The following RAPGEF6 variants were observed in gnomAD, a reference collection of about 807,000 sequenced individuals.
The protein encoded by RAPGEF6 is Rap guanine nucleotide exchange factor 6, also known as PDZ domain containing guanine nucleotide exchange factor (GEF) 2.
Under a neutral mutation model 171.4 loss-of-function variants are expected in RAPGEF6, and 56 were observed. That is an observed-to-expected ratio of 0.33 (90% confidence interval 0.26 to 0.41). The LOEUF (loss-of-function observed/expected upper bound fraction) is 0.41. Among genes scored for constraint, RAPGEF6 ranks in the 10% least tolerant of loss-of-function variants. RAPGEF6 has a pLI of 1.00. For missense variants in RAPGEF6, 1,674 were observed against 1,921.4 expected, an observed-to-expected ratio of 0.87 and a Z score of 2.41; for synonymous variants, 692 against 650.1, an observed-to-expected ratio of 1.06 and a Z score of -0.98.
chr5:131,577,992 T>C (rs1762706578), intron 4 of RAPGEF6, among the ~76,000 whole-genome samples: 1 of 152,196 alleles, frequency 6.6e-6, no homozygotes, highest in African/African-American at 2.4e-5. Context: ...CTAGTTATAC[T>C]CCTATTCACC....
chr5:131,537,089 T>C (rs945435323), intron 6 of RAPGEF6, among the ~76,000 whole-genome samples: 1 of 152,196 alleles, frequency 6.6e-6, no homozygotes, highest in African/African-American at 2.4e-5. Context: ...TATGTCTGAG[T>C]AGTTGTTATT....
intron 6 of RAPGEF6, among the ~76,000 whole-genome samples, chr5:131,544,887 T>G (rs927594150): frequency 6.6e-5 from 10 of 152,126 alleles, no homozygotes; most frequent in African/African-American, 2.4e-4. Flanking sequence ...TTCACCATGT[T>G]AGCCAGACTG....
At chr5:131,540,973 T>C (rs1036657722) in intron 6 of RAPGEF6, among the ~76,000 whole-genome samples, 4 of 152,172 alleles carry the variant, frequency 2.6e-5, no homozygotes, top group Non-Finnish European at 4.4e-5. Flanking sequence ...AGTGCAAGAC[T>C]CCGTCTCAAA....
chr5:131,487,517 A>C (rs1755996663), intron 15 of RAPGEF6, among the ~76,000 whole-genome samples: 1 of 152,134 alleles, frequency 6.6e-6, no homozygotes, highest in Non-Finnish European at 1.5e-5. Context: ...CAGAGCACTG[A>C]TTGGTGCGTT....
intron 18 of RAPGEF6, among the ~76,000 whole-genome samples, chr5:131,462,668 T>G (rs375749217): frequency 2.6e-5 from 4 of 152,334 alleles, no homozygotes; most frequent in South Asian, 4.1e-4. Context: ...TTACCACACA[T>G]TAAGACCTAT....
At chr5:131,628,241 A>G (rs1254774005) in intron 1 of RAPGEF6, among the ~76,000 whole-genome samples, 2 of 152,194 alleles carry the variant, frequency 1.3e-5, no homozygotes, top group East Asian at 1.9e-4. Context: ...GAAAAGGCAC[A>G]TGGAGAAAAT....
chr5:131,470,822 A>G (rs1381341689), intron 17 of RAPGEF6, among the ~76,000 whole-genome samples: 1 of 152,188 alleles, frequency 6.6e-6, no homozygotes, highest in Non-Finnish European at 1.5e-5. Flanking sequence ...TGGACATGCA[A>G]GGAGAGGGCC....
At chr5:131,567,646 T>C (rs2149975298) in intron 4 of RAPGEF6, among the ~76,000 whole-genome samples, 2 of 152,318 alleles carry the variant, frequency 1.3e-5, no homozygotes, top group South Asian at 4.1e-4. Context: ...AGACTTGTGT[T>C]ATGTTACTAG....
rs767305098 is a variant in RAPGEF6, at chr5:131,446,528, TCTC to T, written c.3373_3375del (p.Glu1125del). On this transcript the variant is annotated inframe_deletion, in exon 22 of 28. Coordinates refer to ENST00000509018, the MANE Select transcript of RAPGEF6 (RefSeq NM_016340.6). ...CACTGTAATGACATCATCTGGAACT[TCTC>T]CTCATCTGTCTCTACATCGAGACTG... 3.7e-6 allele frequency: 6 copies of T among 1,614,234 alleles called. No individual in the cohort carries two copies. The highest frequency in any genetic ancestry group is 1.7e-5 in the Admixed American group (1 of 60,024).
chr5:131,621,053 G>A (rs968332618), intron 1 of RAPGEF6, among the ~76,000 whole-genome samples: 3 of 152,124 alleles, frequency 2.0e-5, no homozygotes, highest in African/African-American at 7.2e-5. Context: ...CAGCTGCCTA[G>A]GCAACTTGCA....
chr5:131,446,499 C>T lies in RAPGEF6; in HGVS notation c.3405G>A (p.Glu1135=), dbSNP rs760389780. 12 of 1,613,946 alleles carry T rather than the reference C, an allele frequency of 7.4e-6. No individual in the cohort carries two copies. Among genetic ancestry groups the T allele is most frequent in the South Asian group, 1.1e-5 (1 of 91,038 alleles). ...EKFQMMSLQW[E]PAYGTLTKNL... ...TGTACTCACAGGTACCATATGCAGGCTCCCACTGTAATGACATCATCTGGA... is the reference window on the plus strand; with the variant it reads ...TGTACTCACAGGTACCATATGCAGGTTCCCACTGTAATGACATCATCTGGA... The change falls in exon 22 of 28, where the codon GAG becomes GAA. Residue 1135 remains glutamate, a synonymous_variant. Transcript: ENST00000509018.
At chr5:131,473,671 T>C (rs1754903483) in intron 16 of RAPGEF6, among the ~76,000 whole-genome samples, 1 of 152,206 alleles carries the variant, frequency 6.6e-6, no homozygotes, top group African/African-American at 2.4e-5. Context: ...GTACTTGCTA[T>C]ACATACCAAC....
chr5:131,429,987 T>A (rs550551988), intron 26 of RAPGEF6, among the ~76,000 whole-genome samples: 1 of 151,314 alleles, frequency 6.6e-6, no homozygotes, highest in African/African-American at 2.4e-5. Context: ...CAGGCGAAGG[T>A]TGCAGTGAGC....
At position 131,569,496 on chromosome 5, in the gene RAPGEF6, G is replaced by A. The variant is rs115724451; in HGVS notation, c.282-7449C>T. 7.3e-3 allele frequency among the ~76,000 whole-genome samples: 1,111 copies of A among 152,100 alleles called. 8 individuals are homozygous for A. Among genetic ancestry groups the A allele is most frequent in the African/African-American group, 0.025 (1,029 of 41,500 alleles). On this transcript the variant is annotated intron_variant, in intron 4 of 27. Coordinates refer to ENST00000509018, the MANE Select transcript of RAPGEF6 (RefSeq NM_016340.6). ...CAGCCTTTTCAATAAACCATGCTAG[G>A]TAAAATGAATATGCAAATATCCATA...
chr5:131,574,529 A>C (rs776233176), intron 4 of RAPGEF6, among the ~76,000 whole-genome samples: 1 of 152,116 alleles, frequency 6.6e-6, no homozygotes, highest in African/African-American at 2.4e-5. Context: ...CCAGGCTTCA[A>C]GACCCCTTAA....
chr5:131,479,714 G>T lies in RAPGEF6; in HGVS notation c.1880C>A (p.Ser627Tyr). The T allele has an allele frequency of 6.2e-7, 1 of 1,613,744 alleles. No individual in the cohort carries two copies. The highest frequency in any genetic ancestry group is 1.7e-5 in the Admixed American group (1 of 60,002). Residue 627 changes from serine to tyrosine, a missense_variant, in exon 16 of 28, where the codon TCT (serine) becomes TAT (tyrosine). This residue lies in a region of RAPGEF6 where 1,116 missense variants were observed against 1,321.5 expected (regional missense o/e 0.84). Transcript: ENST00000509018. ...AATTTTGGGAATATGAGGAACACCA[G>T]ATTTCTCTTGTTCAGTCCTAAAAAG... ...ELLFRTEQEK[S>Y]GVPHIPKIAE...
At chr5:131,450,021 AC>A (rs1430902137) in intron 21 of RAPGEF6, 5 of 1,542,578 alleles carry the variant, frequency 3.2e-6, no homozygotes, top group South Asian at 1.2e-5. Context: ...CTCTACACTT[AC>A]CCCAGACTCC....
At chr5:131,553,474 A>C (rs1761042558) in intron 5 of RAPGEF6, among the ~76,000 whole-genome samples, 1 of 152,232 alleles carries the variant, frequency 6.6e-6, no homozygotes, top group Non-Finnish European at 1.5e-5. Context: ...GTCTACAAGA[A>C]TTAGAGTGGA....
chr5:131,547,351 T>C (rs1760615819), intron 6 of RAPGEF6, among the ~76,000 whole-genome samples: 1 of 152,140 alleles, frequency 6.6e-6, no homozygotes, highest in Admixed American at 6.5e-5. Context: ...GTTTTAATAT[T>C]CTAGAAATCG....
Sources: gnomAD v4.1 joint callset for allele counts (sites outside exome capture counted in the v4.1 genomes callset) on GRCh38, gnomAD v4.1.1 for gene constraint, gnomAD v4.1.1 regional missense constraint, MANE v1.5 for transcripts, NCBI Gene and HGNC (gene_info 2026-07-23, HGNC 2026-07-21) for gene names.